The following GABRA4 variants were observed in gnomAD, a reference collection of about 807,000 sequenced individuals.
The protein encoded by GABRA4 is gamma-aminobutyric acid receptor subunit alpha-4.
In GABRA4, 12 loss-of-function variants were observed where a neutral mutation model predicts 49.7. The ratio of observed to expected loss-of-function variants is 0.24; its 90% CI spans 0.15 to 0.39. GABRA4 has a LOEUF of 0.39. Ranked by LOEUF, GABRA4 falls within the 10% of genes least tolerant of loss-of-function variation. GABRA4 has a pLI of 1.00. For synonymous variants in GABRA4, 288 were observed against 240.2 expected (o/e 1.20, Z -1.84); for missense variants, 506 against 686.0 (o/e 0.74, Z 2.93).
Position 46,965,652 on chromosome 4 carries a change from G to T in GABRA4, c.875-423C>A, listed in dbSNP as rs539452365. Among the ~76,000 whole-genome samples, 14 of 151,842 alleles carry T rather than the reference G, an allele frequency of 9.2e-5. 2 individuals are homozygous for T. The South Asian group carries it at 2.7e-3, about 29-fold the overall frequency. On this transcript the variant is annotated intron_variant, in intron 7 of 8. Coordinates refer to ENST00000264318, the MANE Select transcript of GABRA4 (RefSeq NM_000809.4). ...AGGAAGAGTAACTCACTGAAGCACT[G>T]ACTCTCATCCAGGAATGGAAAGTGA... is the stretch of plus-strand genomic sequence containing the variant.
At position 46,928,424 on chromosome 4, in the gene GABRA4, G is replaced by C. The variant is rs746524667; in HGVS notation, c.1466C>G (p.Thr489Arg). 9.3e-6 allele frequency: 15 copies of C among 1,613,560 alleles called. No individual in the cohort carries two copies. The highest frequency in any genetic ancestry group is 8.5e-6 in the Non-Finnish European group (10 of 1,179,714). ...FGSRLQRIKT[T>R]VNTIGATGKL... ...CCCAGTAGCCCCTATGGTATTAACTGTGGTCTTTATCCTCTGCAGTCTTGA... is the reference window on the plus strand; with the variant it reads ...CCCAGTAGCCCCTATGGTATTAACTCTGGTCTTTATCCTCTGCAGTCTTGA... Residue 489 changes from threonine (T) to arginine (R), a missense_variant, in exon 9 of 9, where the codon ACA becomes AGA. Coordinates refer to ENST00000264318, the MANE Select transcript of GABRA4 (RefSeq NM_000809.4).
chr4:46,930,769 A>G (rs1047764090), intron 8 of GABRA4, among the ~76,000 whole-genome samples: 2 of 151,982 alleles, frequency 1.3e-5, no homozygotes, highest in Non-Finnish European at 1.5e-5. Context: ...CCTTCCAGCC[A>G]AAATGAAGTA....
intron 8 of GABRA4, 57 bp from the exon 9 acceptor site, chr4:46,928,812 A>T (rs1376584008): frequency 3.4e-6 from 4 of 1,179,930 alleles, no homozygotes; most frequent in African/African-American, 3.1e-5. Flanking sequence ...GATTTGTACA[A>T]AATTTAAAGG....
At chr4:46,941,303 T>C (rs1203231265) in intron 8 of GABRA4, among the ~76,000 whole-genome samples, 1 of 152,084 alleles carries the variant, frequency 6.6e-6, no homozygotes, top group African/African-American at 2.4e-5. Context: ...CCATAGGTTC[T>C]GAAATCAGAT....
At chr4:46,930,520 A>C (rs1345986771) in intron 8 of GABRA4, among the ~76,000 whole-genome samples, 2 of 152,074 alleles carry the variant, frequency 1.3e-5, no homozygotes, top group African/African-American at 4.8e-5. Flanking sequence ...TACAATAAAA[A>C]ATATAATGAA....
intron 8 of GABRA4, among the ~76,000 whole-genome samples, chr4:46,947,414 T>C (rs967138977): frequency 6.6e-6 from 1 of 151,882 alleles, no homozygotes; most frequent in African/African-American, 2.4e-5. Context: ...GCGTTCTAAG[T>C]AAAGGTCCAA....
chr4:46,934,086 C>G (rs1258463799), intron 8 of GABRA4, among the ~76,000 whole-genome samples: 1 of 152,146 alleles, frequency 6.6e-6, no homozygotes. Context: ...GCAGAATGCA[C>G]ACAGCTACAT....
intron 1 of GABRA4, 78 bp downstream of exon 1, chr4:46,993,261 C>A (rs1723843509): frequency 5.8e-6 from 7 of 1,213,356 alleles, no homozygotes; most frequent in Non-Finnish European, 7.4e-6. Context: ...CAGGGAGGAG[C>A]GAGTGGCCAA....
chr4:46,942,415 T>G (rs1721835087), intron 8 of GABRA4, among the ~76,000 whole-genome samples: 1 of 152,066 alleles, frequency 6.6e-6, no homozygotes, highest in Non-Finnish European at 1.5e-5. Flanking sequence ...TAAAAATCTA[T>G]GTCTTACCAG....
At chr4:46,989,211 A>T (rs991071015) in intron 2 of GABRA4, among the ~76,000 whole-genome samples, 12 of 152,224 alleles carry the variant, frequency 7.9e-5, no homozygotes, top group Non-Finnish European at 1.3e-4. Context: ...GAGTGACGGC[A>T]GGTTTCCTAA....
intron 8 of GABRA4, among the ~76,000 whole-genome samples, chr4:46,958,892 A>T (rs760709198): frequency 3.6e-4 from 54 of 151,862 alleles, no homozygotes; most frequent in Non-Finnish European, 6.6e-4. Context: ...TGTCATGTAG[A>T]CTCTAAAGAC....
intron 2 of GABRA4, among the ~76,000 whole-genome samples, chr4:46,987,592 C>CT (rs370192207): frequency 1.2e-3 from 176 of 151,332 alleles, no homozygotes; most frequent in Admixed American, 1.6e-3. Context: ...ACTTCTCTCT[C>CT]TTTTTTTTTA....
intron 8 of GABRA4, among the ~76,000 whole-genome samples, chr4:46,939,776 C>T (rs901150839): frequency 4.0e-5 from 6 of 151,860 alleles, no homozygotes; most frequent in African/African-American, 1.4e-4. Context: ...TTGTATCTCA[C>T]AAAAAATTTT....
intron 8 of GABRA4, among the ~76,000 whole-genome samples, chr4:46,943,136 G>A (rs1721874577): frequency 6.6e-6 from 1 of 151,918 alleles, no homozygotes. Context: ...TTACATTCTT[G>A]CCCATATTCA....
chr4:46,985,375 T>C (rs1459919740), intron 2 of GABRA4, among the ~76,000 whole-genome samples: 1 of 151,918 alleles, frequency 6.6e-6, no homozygotes, highest in Non-Finnish European at 1.5e-5. Flanking sequence ...TTTGTGCTGG[T>C]TGGTGGTTTA....
In GABRA4 at chr4:46,977,400, A is replaced by G. The variant is rs1723182895; in HGVS notation, c.494+10T>C. The stretch of plus-strand genomic sequence containing the variant: ...AAAAAAGGAAGGGAAGAAGTAAAAA[A>G]AAATATTACCTCATTGTGTATAAAA... On this transcript the variant is annotated intron_variant, in intron 4 of 8. Transcript: ENST00000264318. 4 of 1,426,154 alleles carry G rather than the reference A, an allele frequency of 2.8e-6. No homozygotes were observed. Among genetic ancestry groups the G allele is most frequent in the Non-Finnish European group, 3.9e-6 (4 of 1,034,410 alleles). 88.3% of individuals were successfully genotyped at this position (1,426,154 alleles called of 1,614,324 possible). A position where few individuals can be genotyped will look rare whatever the true frequency, so the allele number is the denominator to read the frequency against.
intron 7 of GABRA4, among the ~76,000 whole-genome samples, chr4:46,970,081 T>C (rs1414454434): frequency 1.3e-5 from 2 of 151,376 alleles, no homozygotes; most frequent in Non-Finnish European, 3.0e-5. Flanking sequence ...TAGTTGTCTT[T>C]AGAGTATTTC....
At chr4:46,976,534 G>T (rs1233951650) in intron 5 of GABRA4, among the ~76,000 whole-genome samples, 1 of 151,320 alleles carries the variant, frequency 6.6e-6, no homozygotes, top group African/African-American at 2.4e-5. Context: ...CTTTTGCCAT[G>T]CTTCAGTCAC....
At position 46,923,250 on chromosome 4, in the gene GABRA4, TCTGA is replaced by T. The variant is rs1278136641; in HGVS notation, c.*4971_*4974del. The stretch of plus-strand genomic sequence containing the variant: ...AAGATTGAAACCTGGGATAAAAAGC[TCTGA>T]CTCTCTAAATCTCTTGCTTTAAAGA... On this transcript the variant is annotated 3_prime_UTR_variant, in exon 9 of 9. Coordinates refer to ENST00000264318, the MANE Select transcript of GABRA4 (RefSeq NM_000809.4). 1 of 152,042 alleles carries T rather than the reference TCTGA, an allele frequency of 6.6e-6. No homozygotes were observed. Among genetic ancestry groups the T allele is most frequent in the Non-Finnish European group, 1.5e-5 (1 of 67,996 alleles). 9.4% of individuals were successfully genotyped at this position (152,042 alleles called of 1,614,324 possible). A position where few individuals can be genotyped will look rare whatever the true frequency, so the allele number is the denominator to read the frequency against.
Sources: gnomAD v4.1 joint callset for allele counts (sites outside exome capture counted in the v4.1 genomes callset) on GRCh38, gnomAD v4.1.1 for gene constraint, MANE v1.5 for transcripts, NCBI Gene and HGNC (gene_info 2026-07-23, HGNC 2026-07-21) for gene names.